TENM4: variants seen among roughly 807,000 people sequenced by gnomAD.
The protein encoded by TENM4 is teneurin-4.
In TENM4, 82 loss-of-function variants were observed where a neutral mutation model predicts 243.3. That is an observed-to-expected ratio of 0.34 (90% confidence interval 0.28 to 0.40). The LOEUF is 0.40. Among genes scored for constraint, TENM4 ranks in the 10% least tolerant of loss-of-function variants. The pLI is 1.00. For synonymous variants in TENM4, 1,412 were observed against 1,456.3 expected (o/e 0.97, Z 0.69); for missense variants, 3,138 against 3,673.3 (o/e 0.85, Z 3.77).
At chr11:78,991,913 T>C (rs1311841580) in intron 6 of TENM4, among the ~76,000 whole-genome samples, 1 of 151,948 alleles carries the variant, frequency 6.6e-6, no homozygotes, top group Non-Finnish European at 1.5e-5. Flanking sequence ...ACAGGAGGGG[T>C]GGCAGGAAAC....
chr11:78,940,601 C>A (rs962859947), intron 6 of TENM4, among the ~76,000 whole-genome samples: 1 of 152,190 alleles, frequency 6.6e-6, no homozygotes, highest in African/African-American at 2.4e-5. Flanking sequence ...TTCCTCCCAG[C>A]CCCCCTCCAT....
At chr11:78,856,401 A>G (rs987747788) in intron 10 of TENM4, among the ~76,000 whole-genome samples, 16 of 152,290 alleles carry the variant, frequency 1.1e-4, no homozygotes, top group African/African-American at 3.6e-4. Context: ...TCTGCTAAAA[A>G]TATGCATTCT....
Position 79,431,827 on chromosome 11 carries a change from C to T in TENM4, c.-321+8682G>A, listed in dbSNP as rs191975948. Among the ~76,000 whole-genome samples the T allele has an allele frequency of 1.2e-4, 19 of 152,336 alleles. No homozygotes were observed. The East Asian group carries it at 3.7e-3, about 29-fold the overall frequency. On this transcript the variant is annotated intron_variant, in intron 1 of 33. Coordinates refer to ENST00000278550, the MANE Select transcript of TENM4 (RefSeq NM_001098816.3). The stretch of plus-strand genomic sequence containing the variant: ...CTAACCATTAGCCCAAAGAACTTAA[C>T]CACAACTTGAATTACTCAGTAGTTG...
chr11:79,435,458 T>C (rs1020673567), intron 1 of TENM4, among the ~76,000 whole-genome samples: 2 of 152,192 alleles, frequency 1.3e-5, no homozygotes, highest in Non-Finnish European at 2.9e-5. Context: ...GCCAAGCTGA[T>C]AGACCATGTA....
intron 1 of TENM4, among the ~76,000 whole-genome samples, chr11:79,430,913 A>G (rs879406092): frequency 6.6e-6 from 1 of 152,348 alleles, no homozygotes; most frequent in Middle Eastern, 3.4e-3. Context: ...GAAGGCAGAC[A>G]AACTCTAGAA....
chr11:78,855,976 A>G lies in TENM4; in HGVS notation c.1458T>C (p.Pro486=), dbSNP rs1031180157. 7.1e-6 allele frequency: 11 copies of G among 1,551,396 alleles called. No homozygotes were observed. The African/African-American group carries it at 1.2e-4, about 17-fold the overall frequency. Residue 486 remains proline, a synonymous_variant, in exon 11 of 34, where the codon CCT becomes CCC. Transcript: ENST00000278550. ...VGIYGRKGLP[P]SHTQFDFVEL... ...GGGTTCTGGTTACCTGTGTATGTGAAGGAGGGAGGCCTTTTCTGCCATAAA... is the reference window on the plus strand; with the variant it reads ...GGGTTCTGGTTACCTGTGTATGTGAGGGAGGGAGGCCTTTTCTGCCATAAA...
At chr11:79,158,769 A>G (rs1862678340) in intron 3 of TENM4, among the ~76,000 whole-genome samples, 1 of 152,222 alleles carries the variant, frequency 6.6e-6, no homozygotes, top group South Asian at 2.1e-4. Context: ...TAATTTGCAC[A>G]GGATCATACA....
chr11:79,082,788 A>G (rs1860707780), intron 4 of TENM4, among the ~76,000 whole-genome samples: 1 of 152,142 alleles, frequency 6.6e-6, no homozygotes, highest in Non-Finnish European at 1.5e-5. Flanking sequence ...AATTTCACTG[A>G]CATCTCTGGG....
intron 2 of TENM4, among the ~76,000 whole-genome samples, chr11:79,238,169 A>G (rs1250813878): frequency 6.6e-6 from 1 of 152,080 alleles, no homozygotes; most frequent in African/African-American, 2.4e-5. Context: ...GTATTTCTCT[A>G]TTTACCTGTA....
intron 6 of TENM4, among the ~76,000 whole-genome samples, chr11:79,055,681 C>T (rs1189169865): frequency 6.6e-6 from 1 of 152,162 alleles, no homozygotes; most frequent in East Asian, 1.9e-4. Flanking sequence ...AGGAGGTAGA[C>T]AGTTATTCAT....
At chr11:79,001,436 C>T (rs1858323943) in intron 6 of TENM4, among the ~76,000 whole-genome samples, 1 of 151,976 alleles carries the variant, frequency 6.6e-6, no homozygotes, top group African/African-American at 2.4e-5. Flanking sequence ...CAAGGAATGG[C>T]ATGCTCTTGC....
chr11:79,083,295 C>T (rs1591268960), intron 4 of TENM4, among the ~76,000 whole-genome samples: 1 of 152,312 alleles, frequency 6.6e-6, no homozygotes, highest in East Asian at 1.9e-4. Flanking sequence ...TGCATTCTGT[C>T]CCTAGACAAG....
rs373712691 is a variant in TENM4, at chr11:79,309,985, G to T, written c.-320-12442C>A. Among the ~76,000 whole-genome samples, 22 of 152,276 alleles carry T rather than the reference G, an allele frequency of 1.4e-4. No individual in the cohort carries two copies. In the East Asian group the frequency reaches 1.7e-3, roughly 12 times the overall value. ...TGTCCTGACCCTTCCAGGCAGGGCT[G>T]GATGTGGTGCTGCTCAGCACCTCAG... On this transcript the variant is annotated intron_variant, in intron 1 of 33. Transcript: ENST00000278550.
chr11:78,989,792 G>A (rs1857997433), intron 6 of TENM4, among the ~76,000 whole-genome samples: 1 of 152,200 alleles, frequency 6.6e-6, no homozygotes, highest in African/African-American at 2.4e-5. Flanking sequence ...CATGGCTCAC[G>A]CCTGTAATCC....
intron 6 of TENM4, among the ~76,000 whole-genome samples, chr11:78,965,888 C>T (rs138027608): frequency 5.9e-5 from 9 of 152,232 alleles, no homozygotes; most frequent in East Asian, 1.9e-4. Flanking sequence ...AAGTGGTTTC[C>T]AAGGTAGGGT....
intron 1 of TENM4, among the ~76,000 whole-genome samples, chr11:79,390,749 C>A (rs1858216569): frequency 6.6e-6 from 1 of 152,204 alleles, no homozygotes; most frequent in African/African-American, 2.4e-5. Context: ...ACTCCAAGAT[C>A]CTTGGCTCCA....
At chr11:79,063,580 C>T (rs767356149) in intron 6 of TENM4, among the ~76,000 whole-genome samples, 4 of 152,174 alleles carry the variant, frequency 2.6e-5, no homozygotes, top group South Asian at 2.1e-4. Flanking sequence ...GGACCCACCT[C>T]GGTGCTGACC....
intron 1 of TENM4, among the ~76,000 whole-genome samples, chr11:79,318,468 A>AG (rs1022762040): frequency 2.0e-5 from 3 of 152,158 alleles, no homozygotes; most frequent in Admixed American, 6.5e-5. Flanking sequence ...TTTCCAGAAG[A>AG]GGGGAAAAAA....
At chr11:79,351,344 T>C (rs918616804) in intron 1 of TENM4, among the ~76,000 whole-genome samples, 3 of 152,184 alleles carry the variant, frequency 2.0e-5, no homozygotes, top group African/African-American at 4.8e-5. Flanking sequence ...ACACAGACTT[T>C]TGTCTGATTT....
Sources: gnomAD v4.1 joint callset for allele counts (sites outside exome capture counted in the v4.1 genomes callset) on GRCh38, gnomAD v4.1.1 for gene constraint, MANE v1.5 for transcripts, NCBI Gene and HGNC (gene_info 2026-07-23, HGNC 2026-07-21) for gene names.